Variants in SP140L observed in about 807,000 individuals in gnomAD.
SP140L encodes nuclear body protein SP140-like protein.
SP140L carries 64 observed loss-of-function variants against 84.3 expected under a neutral mutation model. That is an observed-to-expected ratio of 0.76 (90% CI 0.62 to 0.94). SP140L has a LOEUF of 0.94. Among genes scored for constraint, SP140L ranks in the 40% least tolerant of loss-of-function variants. The pLI, the probability that SP140L is intolerant of heterozygous loss-of-function variation, is 0.00. For missense variants in SP140L, 628 were observed against 692.5 expected, an observed-to-expected ratio of 0.91 and a Z score of 1.05; for synonymous variants, 242 against 236.9, an observed-to-expected ratio of 1.02 and a Z score of -0.20.
chr2:230,395,253 A>C (rs1026589187), intron 13 of SP140L, among the ~76,000 whole-genome samples: 1 of 152,304 alleles, frequency 6.6e-6, no homozygotes, highest in Middle Eastern at 3.4e-3. Flanking sequence ...CATATACTAA[A>C]TTCCAATGGC....
intron 12 of SP140L, 139 bp from the exon 13 acceptor site, chr2:230,393,275 T>C: frequency 1.2e-6 from 1 of 856,916 alleles, no homozygotes; most frequent in East Asian, 3.1e-5. Context: ...GACAGGGAGA[T>C]GGTTTCTCAT....
chr2:230,368,433 G>A (rs552240141), intron 5 of SP140L, among the ~76,000 whole-genome samples: 1 of 152,158 alleles, frequency 6.6e-6, no homozygotes, highest in East Asian at 1.9e-4. Context: ...GACAGCTCAT[G>A]TTGGTGTAGT....
chr2:230,367,008 G>T (rs534506773), intron 5 of SP140L, among the ~76,000 whole-genome samples: 2 of 151,944 alleles, frequency 1.3e-5, no homozygotes, highest in African/African-American at 4.8e-5. Context: ...GATTACAGGC[G>T]TGAGCCACCA....
At chr2:230,381,588 G>C (rs557728695) in intron 7 of SP140L, among the ~76,000 whole-genome samples, 1 of 152,178 alleles carries the variant, frequency 6.6e-6, no homozygotes, top group East Asian at 1.9e-4. Flanking sequence ...AGGTGCAGTG[G>C]CTCACTCATG....
At chr2:230,356,819 T>C (rs1193814909) in intron 2 of SP140L, among the ~76,000 whole-genome samples, 1 of 152,222 alleles carries the variant, frequency 6.6e-6, no homozygotes, top group Non-Finnish European at 1.5e-5. Flanking sequence ...AAATCTCTTA[T>C]GTGCTCATTG....
rs1463328911 is a variant in SP140L, at chr2:230,357,692, A to AT, written c.108-109dup. 3 of 1,062,362 alleles carry AT rather than the reference A, an allele frequency of 2.8e-6. No homozygotes were observed. The African/African-American group carries it at 4.8e-5, about 17-fold the overall frequency. 65.8% of individuals were successfully genotyped at this position (1,062,362 alleles called of 1,614,324 possible). A position where few individuals can be genotyped will look rare whatever the true frequency, so the allele number is the denominator to read the frequency against. ...TTCTGGGCTCTACTGAGGACCACCTATTTTATATATGTTGGTTCTTCATAG... is the reference window on the plus strand; with the variant it reads ...TTCTGGGCTCTACTGAGGACCACCTATTTTTATATATGTTGGTTCTTCATAG... On this transcript the variant is annotated intron_variant, in intron 2 of 18. Coordinates refer to ENST00000415673, the MANE Select transcript of SP140L (RefSeq NM_138402.6).
chr2:230,371,737 T>C lies in SP140L; in HGVS notation c.637+86T>C. The stretch of plus-strand genomic sequence containing the variant: ...TTTTCTTTTTGTCATTGTTACTGTT[T>C]CTGTTATTATTTGCAATACTGTGGT... On this transcript the variant is annotated intron_variant, in intron 7 of 18. Transcript: ENST00000415673. The C allele has an allele frequency of 2.4e-6, 3 of 1,259,702 alleles. No homozygotes were observed. The Admixed American group carries it at 6.4e-5, about 27-fold the overall frequency. The allele number at this position is 1,259,702 out of a possible 1,614,324, so 78.0% of individuals were successfully genotyped here. A position where few individuals can be genotyped will look rare whatever the true frequency, so the allele number is the denominator to read the frequency against.
intron 1 of SP140L, 31 bp from the exon 2 acceptor site, chr2:230,328,726 G>A: frequency 6.2e-7 from 1 of 1,608,184 alleles, no homozygotes; most frequent in Non-Finnish European, 8.5e-7. Context: ...TTATTTACTT[G>A]TTTATAGATC....
rs1048519773 is a variant in SP140L, at chr2:230,378,909, A to G, written c.638-4601A>G. ...CTCACACAAGGTTGTATATTTGCCA[A>G]TTCCTCCTTATTTTGTTCATTTTCT... On this transcript the variant is annotated intron_variant, in intron 7 of 18. Transcript: ENST00000415673. Among the ~76,000 whole-genome samples, 9 of 152,118 alleles carry G rather than the reference A, an allele frequency of 5.9e-5. 1 individual carries two copies. Among genetic ancestry groups the G allele is most frequent in the Non-Finnish European group, 5.9e-5 (4 of 68,010 alleles).
intron 4 of SP140L, 113 bp downstream of exon 4, chr2:230,359,245 A>G: frequency 1.1e-6 from 1 of 923,088 alleles, no homozygotes; most frequent in Non-Finnish European, 1.7e-6. Context: ...GGCATAGAGT[A>G]GTTAACAAAA....
intron 5 of SP140L, among the ~76,000 whole-genome samples, chr2:230,368,086 G>T (rs1441162645): frequency 1.3e-5 from 2 of 152,144 alleles, no homozygotes; most frequent in East Asian, 3.9e-4. Flanking sequence ...ATTTTCTTGT[G>T]TTTTTATTTT....
intron 7 of SP140L, among the ~76,000 whole-genome samples, chr2:230,380,010 A>G (rs2149786614): frequency 6.6e-6 from 1 of 152,298 alleles, no homozygotes; most frequent in East Asian, 1.9e-4. Flanking sequence ...TTCTATCTGT[A>G]TTAGCCCATT....
chr2:230,400,250 A>G lies in SP140L; in HGVS notation c.1313+8A>G. ...ACCTGTGGAAAGTGAGAAGTAAGTGACATGCAGGCACCTCTCTTTCATCCT... is the reference window on the plus strand; with the variant it reads ...ACCTGTGGAAAGTGAGAAGTAAGTGGCATGCAGGCACCTCTCTTTCATCCT... On this transcript the variant is annotated splice_region_variant and intron_variant, in intron 15 of 18. Transcript: ENST00000415673. The G allele has an allele frequency of 1.2e-6, 2 of 1,613,438 alleles. No homozygotes were observed. The highest frequency in any genetic ancestry group is 1.7e-6 in the Non-Finnish European group (2 of 1,179,396).
chr2:230,336,308 G>C (rs1427279350), intron 2 of SP140L, among the ~76,000 whole-genome samples: 1 of 152,184 alleles, frequency 6.6e-6, no homozygotes, highest in Non-Finnish European at 1.5e-5. Context: ...TCTTATCTGT[G>C]CCTAATCTAG....
chr2:230,347,156 T>C (rs1392195608), intron 2 of SP140L, among the ~76,000 whole-genome samples: 1 of 152,188 alleles, frequency 6.6e-6, no homozygotes, highest in Non-Finnish European at 1.5e-5. Context: ...CTCTGGTGTT[T>C]GCTGGGGCCA....
intron 2 of SP140L, among the ~76,000 whole-genome samples, chr2:230,330,708 T>G (rs796489177): frequency 5.9e-5 from 9 of 152,376 alleles, no homozygotes; most frequent in African/African-American, 2.2e-4. Flanking sequence ...ATCTTTATGC[T>G]ATTATTAACT....
chr2:230,390,445 C>CT (rs1413328411), intron 11 of SP140L, among the ~76,000 whole-genome samples: 2 of 152,188 alleles, frequency 1.3e-5, no homozygotes, highest in Admixed American at 1.3e-4. Context: ...CCAGCCTTGG[C>CT]TGTGCCAGGA....
chr2:230,341,769 C>G (rs190702077), intron 2 of SP140L, among the ~76,000 whole-genome samples: 1 of 152,104 alleles, frequency 6.6e-6, no homozygotes, highest in South Asian at 2.1e-4. Flanking sequence ...TGTCAGTGTG[C>G]CCCTGCTGGG....
At chr2:230,385,347 A>C in intron 9 of SP140L, 43 bp downstream of exon 9, 1 of 1,584,252 alleles carries the variant, frequency 6.3e-7, no homozygotes, top group Non-Finnish European at 8.7e-7. Context: ...CCTGCAGGTC[A>C]ATGCACATGT....
Sources: gnomAD v4.1 joint callset for allele counts (sites outside exome capture counted in the v4.1 genomes callset) on GRCh38, gnomAD v4.1.1 for gene constraint, MANE v1.5 for transcripts, NCBI Gene and HGNC (gene_info 2026-07-23, HGNC 2026-07-21) for gene names.